ZBTB7C: variants seen among roughly 807,000 people sequenced by gnomAD.
ZBTB7C encodes zinc finger and BTB domain-containing protein 7C.
In ZBTB7C, 8 loss-of-function variants were observed where a neutral mutation model predicts 25.7. That is an observed-to-expected ratio of 0.31 (90% confidence interval 0.18 to 0.56). ZBTB7C has a LOEUF of 0.56. Ranked by LOEUF, ZBTB7C falls within the 20% of genes least tolerant of loss-of-function variation. ZBTB7C has a pLI of 0.91. For missense variants in ZBTB7C, 824 were observed against 855.2 expected (o/e 0.96, Z 0.46); for synonymous variants, 394 against 369.0 (o/e 1.07, Z -0.78).
intron 1 of ZBTB7C, among the ~76,000 whole-genome samples, chr18:48,400,752 T>A (rs894069810): frequency 6.6e-6 from 1 of 152,242 alleles, no homozygotes; most frequent in African/African-American, 2.4e-5. Flanking sequence ...TGATTGAAGT[T>A]AATTTTACCT....
chr18:48,223,108 CAG>C (rs751934734), intron 2 of ZBTB7C, among the ~76,000 whole-genome samples: 6 of 152,196 alleles, frequency 3.9e-5, no homozygotes, highest in African/African-American at 4.8e-5. Context: ...GATCCCAACA[CAG>C]AGTTTCTCAG....
intron 1 of ZBTB7C, among the ~76,000 whole-genome samples, chr18:48,367,661 T>C (rs955821896): frequency 6.6e-6 from 1 of 151,902 alleles, no homozygotes; most frequent in Non-Finnish European, 1.5e-5. Flanking sequence ...CAGGAAACAC[T>C]GCGGCCCACC....
At chr18:48,334,309 G>T (rs1323710993) in intron 2 of ZBTB7C, among the ~76,000 whole-genome samples, 1 of 152,126 alleles carries the variant, frequency 6.6e-6, no homozygotes, top group African/African-American at 2.4e-5. Flanking sequence ...GGAGGCAAGG[G>T]GTTAATTCAG....
intron 3 of ZBTB7C, among the ~76,000 whole-genome samples, chr18:48,087,082 T>C (rs779866005): frequency 1.3e-5 from 2 of 152,206 alleles, no homozygotes. Context: ...CTGCCCAGGA[T>C]TGTGCACATA....
upstream of ZBTB7C, chr18:48,409,510 C>T (rs1777437215): frequency 4.1e-5 from 6 of 147,826 alleles, no homozygotes; most frequent in South Asian, 1.1e-3. Flanking sequence ...GCGCCCGCGC[C>T]GCCGGCTCGG....
chr18:48,038,883 G>A (rs1467053198), intron 4 of ZBTB7C, among the ~76,000 whole-genome samples: 1 of 152,076 alleles, frequency 6.6e-6, no homozygotes, highest in Non-Finnish European at 1.5e-5. Flanking sequence ...CTGATGCCAG[G>A]CCACCCACCA....
intron 3 of ZBTB7C, among the ~76,000 whole-genome samples, chr18:48,170,262 C>T (rs562620678): frequency 2.7e-4 from 41 of 152,378 alleles, no homozygotes; most frequent in African/African-American, 9.6e-4. Context: ...AGGCCTGTGC[C>T]AAAGAAGCCC....
At chr18:48,296,180 C>T (rs371951045) in intron 2 of ZBTB7C, among the ~76,000 whole-genome samples, 1 of 152,200 alleles carries the variant, frequency 6.6e-6, no homozygotes, top group Non-Finnish European at 1.5e-5. Context: ...CACCACCCCC[C>T]ACCACCTGCT....
chr18:48,051,794 T>C (rs2036697294), intron 3 of ZBTB7C, among the ~76,000 whole-genome samples: 1 of 152,084 alleles, frequency 6.6e-6, no homozygotes, highest in African/African-American at 2.4e-5. Flanking sequence ...GACACACCAA[T>C]GGAGAGGAGT....
chr18:48,302,308 G>C (rs997623665), intron 2 of ZBTB7C, among the ~76,000 whole-genome samples: 2 of 152,184 alleles, frequency 1.3e-5, no homozygotes, highest in African/African-American at 4.8e-5. Context: ...AAGAGCTGAC[G>C]GCTCCTGCTC....
intron 1 of ZBTB7C, among the ~76,000 whole-genome samples, chr18:48,362,801 C>T (rs751940550): frequency 6.6e-6 from 1 of 152,126 alleles, no homozygotes; most frequent in Admixed American, 6.5e-5. Flanking sequence ...TCCTTACCTC[C>T]TACTCTAAAC....
At chr18:48,294,752 G>A (rs1436302035) in intron 2 of ZBTB7C, among the ~76,000 whole-genome samples, 3 of 151,706 alleles carry the variant, frequency 2.0e-5, no homozygotes, top group Non-Finnish European at 4.4e-5. Context: ...TATTCCAGCT[G>A]ATCTCATGCA....
intron 3 of ZBTB7C, among the ~76,000 whole-genome samples, chr18:48,107,438 G>A (rs1002003615): frequency 6.6e-6 from 1 of 151,414 alleles, no homozygotes; most frequent in Non-Finnish European, 1.5e-5. Context: ...GGAGAGGGAG[G>A]AGGGCTGGGA....
chr18:48,275,651 A>G (rs1598754889), intron 2 of ZBTB7C, among the ~76,000 whole-genome samples: 1 of 152,212 alleles, frequency 6.6e-6, no homozygotes, highest in East Asian at 1.9e-4. Context: ...ATGTGCATGT[A>G]ATACTTTTCC....
At chr18:48,089,378 A>G (rs2038320794) in intron 3 of ZBTB7C, among the ~76,000 whole-genome samples, 1 of 151,776 alleles carries the variant, frequency 6.6e-6, no homozygotes, top group Non-Finnish European at 1.5e-5. Context: ...AGGCTGAGGC[A>G]GGAGAATCGC....
chr18:48,368,921 C>T (rs780306265), intron 1 of ZBTB7C, among the ~76,000 whole-genome samples: 11 of 152,156 alleles, frequency 7.2e-5, no homozygotes, highest in Non-Finnish European at 1.3e-4. Context: ...TCCCCATCCC[C>T]TGGAGAAAAA....
intron 3 of ZBTB7C, among the ~76,000 whole-genome samples, chr18:48,134,636 C>G (rs1355619630): frequency 6.6e-6 from 1 of 152,208 alleles, no homozygotes; most frequent in South Asian, 2.1e-4. Flanking sequence ...AAGCTAAACT[C>G]GAGTCCTATG....
At chr18:48,159,196 T>G (rs1238394200) in intron 3 of ZBTB7C, among the ~76,000 whole-genome samples, 1 of 152,164 alleles carries the variant, frequency 6.6e-6, no homozygotes, top group Non-Finnish European at 1.5e-5. Flanking sequence ...TCTATTCCCC[T>G]TGTCCTAACA....
At position 48,222,862 on chromosome 18, in the gene ZBTB7C, C is replaced by T. The variant is rs1254452223; in HGVS notation, c.-78-36867G>A. On this transcript the variant is annotated intron_variant, in intron 2 of 4. Coordinates refer to ENST00000590800, the MANE Select transcript of ZBTB7C (RefSeq NM_001318841.2). ...AGCCTTGCCTCCTATGCTCTGTACC[C>T]AATGAAGTCCAAGGAAGCAGCATGA... is the stretch of plus-strand genomic sequence containing the variant. Among the ~76,000 whole-genome samples, 4 of 152,238 alleles carry T rather than the reference C, an allele frequency of 2.6e-5. No individual in the cohort carries two copies. The East Asian group carries it at 7.7e-4, about 29-fold the overall frequency.
Sources: gnomAD v4.1 joint callset for allele counts (sites outside exome capture counted in the v4.1 genomes callset) on GRCh38, gnomAD v4.1.1 for gene constraint, MANE v1.5 for transcripts, NCBI Gene and HGNC (gene_info 2026-07-23, HGNC 2026-07-21) for gene names.